CSMD1: variants seen among roughly 807,000 people sequenced by gnomAD.
CSMD1 encodes the protein CUB and sushi domain-containing protein 1.
A neutral mutation model predicts 417.5 loss-of-function variants in CSMD1; 213 were observed. That is an observed-to-expected ratio of 0.51 (90% confidence interval 0.46 to 0.57). The LOEUF is 0.57. CSMD1 is among the 20% of genes least tolerant of loss of function. CSMD1 has a pLI of 0.00. For synonymous variants in CSMD1, 2,862 were observed against 1,736.8 expected (o/e 1.65, Z -16.11); for missense variants, 6,923 against 4,529.7 (o/e 1.53, Z -15.17).
chr8:4,283,571 T>G (rs988057752), intron 3 of CSMD1, among the ~76,000 whole-genome samples: 1 of 152,194 alleles, frequency 6.6e-6, no homozygotes, highest in Non-Finnish European at 1.5e-5. Flanking sequence ...TAGTTAAAAG[T>G]CTTCAACATG....
At chr8:4,261,869 A>G (rs998247727) in intron 3 of CSMD1, among the ~76,000 whole-genome samples, 1 of 152,230 alleles carries the variant, frequency 6.6e-6, no homozygotes, top group South Asian at 2.1e-4. Context: ...TAATGAAACT[A>G]GACAAAATGT....
intron 5 of CSMD1, among the ~76,000 whole-genome samples, chr8:3,759,541 G>C (rs1204850656): frequency 1.3e-5 from 2 of 151,930 alleles, no homozygotes; most frequent in African/African-American, 4.8e-5. Context: ...AAGAGATTAT[G>C]GGGCAAATGG....
intron 3 of CSMD1, among the ~76,000 whole-genome samples, chr8:4,081,412 T>G (rs1286898109): frequency 6.6e-6 from 1 of 152,130 alleles, no homozygotes; most frequent in Non-Finnish European, 1.5e-5. Context: ...GCTTTGCAGC[T>G]TCCTCCTTTT....
intron 42 of CSMD1, among the ~76,000 whole-genome samples, chr8:3,114,381 C>A (rs1816726588): frequency 1.3e-5 from 2 of 150,404 alleles, no homozygotes; most frequent in African/African-American, 4.9e-5. Flanking sequence ...GAAAGAAATT[C>A]CATATTAAAA....
At chr8:4,722,343 G>T (rs1018080576) in intron 1 of CSMD1, among the ~76,000 whole-genome samples, 2 of 152,102 alleles carry the variant, frequency 1.3e-5, no homozygotes, top group Non-Finnish European at 2.9e-5. Context: ...TATCCATGCA[G>T]ATTTTAATTT....
chr8:3,604,694 C>A (rs181463445), intron 8 of CSMD1, among the ~76,000 whole-genome samples: 61 of 152,284 alleles, frequency 4.0e-4, no homozygotes, highest in African/African-American at 1.4e-3. Flanking sequence ...CCCTAGATAT[C>A]TCTCCATTAT....
At chr8:3,698,888 G>A (rs1383684652) in intron 7 of CSMD1, among the ~76,000 whole-genome samples, 2 of 152,222 alleles carry the variant, frequency 1.3e-5, no homozygotes, top group Non-Finnish European at 2.9e-5. Context: ...AGCATCATTT[G>A]CAATTGATTG....
intron 1 of CSMD1, among the ~76,000 whole-genome samples, chr8:4,938,406 C>T (rs62488192): frequency 0.26 from 39,491 of 152,042 alleles, 5,259 homozygotes; most frequent in East Asian, 0.38. Context: ...ACTCCATGCC[C>T]ACTTCTCATC....
At chr8:4,616,806 C>G (rs190324504) in intron 2 of CSMD1, among the ~76,000 whole-genome samples, 11 of 152,248 alleles carry the variant, frequency 7.2e-5, no homozygotes, top group Non-Finnish European at 1.3e-4. Context: ...GAGGAAAAAA[C>G]TAAAGACAAG....
At chr8:3,358,081 A>G (rs1330683295) in intron 21 of CSMD1, among the ~76,000 whole-genome samples, 2 of 152,204 alleles carry the variant, frequency 1.3e-5, no homozygotes, top group African/African-American at 4.8e-5. Context: ...CACCATGGTA[A>G]AATAAAACAA....
At chr8:4,060,909 C>T (rs978394403) in intron 3 of CSMD1, among the ~76,000 whole-genome samples, 2 of 152,102 alleles carry the variant, frequency 1.3e-5, no homozygotes, top group African/African-American at 4.8e-5. Context: ...AAGCCTGTTT[C>T]CCATTTGCAG....
chr8:3,631,910 G>A (rs866485874), intron 7 of CSMD1, among the ~76,000 whole-genome samples: 2 of 152,244 alleles, frequency 1.3e-5, no homozygotes, highest in African/African-American at 4.8e-5. Flanking sequence ...GACTGACGAA[G>A]CAAAACCCCC....
chr8:2,941,599 T>A (rs774783317), intron 69 of CSMD1, among the ~76,000 whole-genome samples: 8 of 152,214 alleles, frequency 5.3e-5, no homozygotes, highest in Non-Finnish European at 1.2e-4. Context: ...TCTTCTGGCA[T>A]CCACATTAAT....
intron 5 of CSMD1, among the ~76,000 whole-genome samples, chr8:3,989,619 T>A (rs1405311264): frequency 6.6e-6 from 1 of 152,186 alleles, no homozygotes; most frequent in East Asian, 1.9e-4. Flanking sequence ...TATTTTAAAT[T>A]TATAATTCAA....
intron 3 of CSMD1, among the ~76,000 whole-genome samples, chr8:4,231,125 G>A (rs568117710): frequency 2.2e-4 from 34 of 152,292 alleles, no homozygotes; most frequent in African/African-American, 7.5e-4. Flanking sequence ...TTGAACTACA[G>A]AAGAGTATTA....
intron 1 of CSMD1, among the ~76,000 whole-genome samples, chr8:4,812,323 A>G (rs1039103376): frequency 2.0e-5 from 3 of 152,334 alleles, no homozygotes; most frequent in Admixed American, 1.3e-4. Flanking sequence ...GCTGCTTCCA[A>G]TCAAAGACAG....
At position 3,281,163 on chromosome 8, in the gene CSMD1, C is replaced by G. The variant is rs1802706666; in HGVS notation, c.4153+2981G>C. ...TTCAATAAGAAAATGGGTAAACAGG[C>G]TGGGCGAGGTGGCTCACGCCTGTAA... On this transcript the variant is annotated intron_variant, in intron 26 of 69. Coordinates refer to ENST00000635120, the MANE Select transcript of CSMD1 (RefSeq NM_033225.6). Among the ~76,000 whole-genome samples, 3 of 152,132 alleles carry G rather than the reference C, an allele frequency of 2.0e-5. No homozygotes were observed. In the South Asian group the frequency reaches 6.2e-4, roughly 31 times the overall value.
intron 1 of CSMD1, among the ~76,000 whole-genome samples, chr8:4,939,574 C>T (rs921644679): frequency 2.0e-5 from 3 of 151,474 alleles, no homozygotes; most frequent in Non-Finnish European, 4.4e-5. Flanking sequence ...ATCTTGCTTA[C>T]ATGTAGAATC....
At chr8:4,200,191 C>G (rs560821605) in intron 3 of CSMD1, among the ~76,000 whole-genome samples, 1 of 152,118 alleles carries the variant, frequency 6.6e-6, no homozygotes, top group Non-Finnish European at 1.5e-5. Flanking sequence ...TGGACAAAAT[C>G]CAGTTAAATG....
Sources: allele counts gnomAD v4.1 joint callset (sites outside exome capture counted in the v4.1 genomes callset), GRCh38; gene constraint gnomAD v4.1.1; transcripts MANE v1.5; gene names NCBI Gene and HGNC (gene_info 2026-07-23, HGNC 2026-07-21).